Variants in KLF8 observed in about 807,000 individuals in gnomAD.
KLF8 encodes the protein Krueppel-like factor 8.
In KLF8, 10 loss-of-function variants were observed where a neutral mutation model predicts 18.2. That is an observed-to-expected ratio of 0.55 (90% CI 0.34 to 0.93). The LOEUF (loss-of-function observed/expected upper bound fraction) is 0.93. Among genes scored for constraint, KLF8 ranks in the 40% least tolerant of loss-of-function variants. The probability of loss-of-function intolerance (pLI) is 0.02; values close to 1 mark genes in which losing one functional copy is unlikely to be tolerated. For missense variants in KLF8, 264 were observed against 277.9 expected, an observed-to-expected ratio of 0.95 and a Z score of 0.36; for synonymous variants, 109 against 97.3, an observed-to-expected ratio of 1.12 and a Z score of -0.71.
At chrX:55,986,513 T>A in the KLF8 span, among the ~76,000 whole-genome samples, 1 of 111,890 alleles carries the variant, frequency 8.9e-6, no homozygotes, top group Non-Finnish European at 1.9e-5. Flanking sequence ...TTGTGCCTAG[T>A]CAGTCCCAGT....
the KLF8 span, among the ~76,000 whole-genome samples, chrX:56,221,185 C>A: frequency 2.7e-5 from 3 of 111,815 alleles, no homozygotes. Flanking sequence ...AGAACTAGTT[C>A]TGAAGTAAAC....
the KLF8 span, among the ~76,000 whole-genome samples, chrX:56,188,118 GA>G: frequency 2.7e-5 from 3 of 110,938 alleles, no homozygotes; most frequent in Non-Finnish European, 5.7e-5. Context: ...TGTATATCTA[GA>G]AAACCCCATT....
At chrX:55,961,861 G>T in the KLF8 span, 1 of 234,544 alleles carries the variant, frequency 4.3e-6, no homozygotes, top group South Asian at 6.2e-5. Flanking sequence ...ACCTCGTCTA[G>T]AGCAGTGAAA....
chrX:55,994,551 G>T, the KLF8 span, among the ~76,000 whole-genome samples: 352 of 109,728 alleles, frequency 3.2e-3, 2 homozygotes, highest in African/African-American at 0.011. Context: ...TTGGATGGGG[G>T]TGTTTAGTGC....
the KLF8 span, among the ~76,000 whole-genome samples, chrX:55,924,651 G>A: frequency 9.1e-6 from 1 of 109,699 alleles, no homozygotes; most frequent in Non-Finnish European, 1.9e-5. Flanking sequence ...TAATGCCAGA[G>A]ACTTTATTAT....
At chrX:56,138,913 A>G in the KLF8 span, among the ~76,000 whole-genome samples, 3 of 111,192 alleles carry the variant, frequency 2.7e-5, no homozygotes, top group Non-Finnish European at 5.7e-5. Flanking sequence ...TTACACCTAG[A>G]AAAGCCCATA....
At chrX:56,199,842 C>G in the KLF8 span, among the ~76,000 whole-genome samples, 1 of 111,494 alleles carries the variant, frequency 9.0e-6, no homozygotes, top group African/African-American at 3.3e-5. Context: ...AAGTGTCCAT[C>G]AATGATAGAC....
At chrX:56,214,181 G>C in the KLF8 span, among the ~76,000 whole-genome samples, 1 of 110,824 alleles carries the variant, frequency 9.0e-6, no homozygotes, top group Non-Finnish European at 1.9e-5. Context: ...TGGGGGGTGA[G>C]GGGGGCCAGA....
the KLF8 span, among the ~76,000 whole-genome samples, chrX:56,066,347 G>A: frequency 8.9e-6 from 1 of 112,159 alleles, no homozygotes; most frequent in Admixed American, 9.4e-5. Flanking sequence ...GGGCATAGTT[G>A]GGCCAGATGG....
the KLF8 span, among the ~76,000 whole-genome samples, chrX:56,039,221 T>G: frequency 8.9e-6 from 1 of 112,104 alleles, no homozygotes; most frequent in Non-Finnish European, 1.9e-5. Flanking sequence ...TAGTTAGATT[T>G]CATTTTTGAA....
At chrX:56,253,764 C>T (rs200619601) in intron 2 of KLF8, among the ~76,000 whole-genome samples, 14 of 60,087 alleles carry the variant, frequency 2.3e-4, no homozygotes, top group South Asian at 9.4e-4. Flanking sequence ...TTTTCTTTTT[C>T]TTTTTTTTTT....
At chrX:56,035,277 G>A in the KLF8 span, among the ~76,000 whole-genome samples, 1 of 111,444 alleles carries the variant, frequency 9.0e-6, no homozygotes, top group South Asian at 3.8e-4. Context: ...TTCCATCCAC[G>A]TTGCTGAGAA....
the KLF8 span, among the ~76,000 whole-genome samples, chrX:56,060,637 C>T: frequency 3.6e-5 from 4 of 111,615 alleles, no homozygotes; most frequent in Non-Finnish European, 7.5e-5. Context: ...GGATATTGGC[C>T]TGAAGTTTTC....
At chrX:56,009,057 C>T in the KLF8 span, among the ~76,000 whole-genome samples, 3 of 111,045 alleles carry the variant, frequency 2.7e-5, no homozygotes, top group Admixed American at 2.9e-4. Flanking sequence ...AACATTACCC[C>T]CAGCACCAAG....
the KLF8 span, among the ~76,000 whole-genome samples, chrX:56,211,310 G>C: frequency 8.9e-6 from 1 of 112,597 alleles, no homozygotes; most frequent in Non-Finnish European, 1.9e-5. Context: ...TCTTGGACAA[G>C]ATCCAGAAGA....
the KLF8 span, among the ~76,000 whole-genome samples, chrX:55,994,800 G>T: frequency 9.9e-5 from 11 of 111,552 alleles, no homozygotes; most frequent in African/African-American, 3.6e-4. Flanking sequence ...TATGATTTTG[G>T]GTTTTTGAAT....
the KLF8 span, among the ~76,000 whole-genome samples, chrX:56,086,466 A>G: frequency 9.0e-6 from 1 of 110,784 alleles, no homozygotes; most frequent in Non-Finnish European, 1.9e-5. Flanking sequence ...GAGTTCAAAA[A>G]CAATACTAAG....
the KLF8 span, among the ~76,000 whole-genome samples, chrX:56,070,941 C>G: frequency 8.9e-6 from 1 of 112,079 alleles, no homozygotes; most frequent in Non-Finnish European, 1.9e-5. Context: ...ATATATGCAT[C>G]ATTTACTCTA....
chrX:55,915,261 T>C, the KLF8 span, among the ~76,000 whole-genome samples: 1 of 112,034 alleles, frequency 8.9e-6, no homozygotes, highest in Admixed American at 9.5e-5. Flanking sequence ...TGACAATAGC[T>C]GTAAAGAAAC....
Sources: gnomAD v4.1 joint callset for allele counts (sites outside exome capture counted in the v4.1 genomes callset) on GRCh38, gnomAD v4.1.1 for gene constraint, MANE v1.5 for transcripts, NCBI Gene and HGNC (gene_info 2026-07-23, HGNC 2026-07-21) for gene names.